ZNF382: variants seen among roughly 807,000 people sequenced by gnomAD.
The protein encoded by ZNF382 is KRAB/zinc finger suppressor protein 1.
In ZNF382, 20 loss-of-function variants were observed where a neutral mutation model predicts 38.8. That is an observed-to-expected ratio of 0.51 (90% CI 0.36 to 0.75). ZNF382 has a LOEUF of 0.75. Among genes scored for constraint, ZNF382 ranks in the 30% least tolerant of loss-of-function variants. The probability of loss-of-function intolerance (pLI) is 0.00; values close to 1 mark genes in which losing one functional copy is unlikely to be tolerated. For missense variants in ZNF382, 546 were observed against 654.1 expected, an observed-to-expected ratio of 0.83 and a Z score of 1.80; for synonymous variants, 202 against 223.1, an observed-to-expected ratio of 0.91 and a Z score of 0.84.
In ZNF382 at chr19:36,627,022, G is replaced by T. The variant is rs148103215; in HGVS notation, c.1125G>T (p.Thr375=). Residue 375 remains threonine, a synonymous_variant, in exon 5 of 5, where the codon ACG becomes ACT. Coordinates refer to ENST00000292928, the MANE Select transcript of ZNF382 (RefSeq NM_032825.5). The stretch of plus-strand genomic sequence containing the variant: ...TCACTAGACATCACAAAACACATAC[G>T]GGGGAGAAAGCCTATGAATGTCCTC... ...ATLTRHHKTH[T]GEKAYECPQC... The T allele has an allele frequency of 2.5e-6, 4 of 1,609,572 alleles. No individual in the cohort carries two copies. In the African/African-American group the frequency reaches 5.4e-5, roughly 22 times the overall value.
At chr19:36,621,719 A>T (rs966542024) in intron 4 of ZNF382, among the ~76,000 whole-genome samples, 2 of 152,176 alleles carry the variant, frequency 1.3e-5, no homozygotes, top group African/African-American at 4.8e-5. Context: ...ATACAGGAGG[A>T]TATGTGTAGG....
intron 4 of ZNF382, among the ~76,000 whole-genome samples, chr19:36,615,136 C>A (rs899168969): frequency 6.6e-6 from 1 of 151,694 alleles, no homozygotes; most frequent in African/African-American, 2.4e-5. Context: ...CAGGTGGGCA[C>A]CACCATGCCC....
rs572850112 is a variant in ZNF382, at chr19:36,632,381, G to C, written c.*4831G>C. ...GTTTTTGTGTTTTTAGTAGAGACAG[G>C]GTTTCTCCATGTTGGCCAGGCTGGT... On this transcript the variant is annotated 3_prime_UTR_variant, in exon 5 of 5. Transcript: ENST00000292928. The C allele has an allele frequency of 4.6e-5, 7 of 152,268 alleles. No homozygotes were observed. The East Asian group carries it at 1.4e-3, about 29-fold the overall frequency. The allele number at this position is 152,268 out of a possible 1,614,324, so 9.4% of individuals were successfully genotyped here.
chr19:36,618,559 C>T (rs1270884099), intron 4 of ZNF382, among the ~76,000 whole-genome samples: 1 of 152,190 alleles, frequency 6.6e-6, no homozygotes, highest in Admixed American at 6.5e-5. Flanking sequence ...TCTGTGCTGC[C>T]TGAACTACTG....
intron 4 of ZNF382, among the ~76,000 whole-genome samples, chr19:36,616,109 G>A (rs2037123861): frequency 6.6e-6 from 1 of 152,124 alleles, no homozygotes; most frequent in African/African-American, 2.4e-5. Flanking sequence ...GCCAAGTGTT[G>A]TGGCTCACAC....
At chr19:36,612,074 A>T (rs2037081972) in intron 4 of ZNF382, among the ~76,000 whole-genome samples, 1 of 152,142 alleles carries the variant, frequency 6.6e-6, no homozygotes, top group African/African-American at 2.4e-5. Flanking sequence ...AGAAGGATAA[A>T]CCCACGTATC....
chr19:36,621,334 T>A (rs1441004605), intron 4 of ZNF382, among the ~76,000 whole-genome samples: 1 of 150,808 alleles, frequency 6.6e-6, no homozygotes, highest in East Asian at 1.9e-4. Flanking sequence ...GTTTTTTTTT[T>A]TTTTTTTTTT....
intron 4 of ZNF382, among the ~76,000 whole-genome samples, chr19:36,625,307 A>G (rs925300016): frequency 1.1e-4 from 17 of 151,624 alleles, no homozygotes; most frequent in Non-Finnish European, 1.8e-4. Flanking sequence ...ACACTAGGAA[A>G]TGAGCTGAGA....
chr19:36,608,378 CT>C (rs1001942399), intron 2 of ZNF382: 38 of 152,218 alleles, frequency 2.5e-4, no homozygotes, highest in African/African-American at 8.9e-4. Flanking sequence ...TTGTTATTTT[CT>C]TTTTAGTTTC....
intron 4 of ZNF382, among the ~76,000 whole-genome samples, chr19:36,616,370 T>G (rs2145322459): frequency 6.6e-6 from 1 of 152,300 alleles, no homozygotes; most frequent in South Asian, 2.1e-4. Flanking sequence ...CGTCTCTAAA[T>G]AACTAAAATG....
chr19:36,619,932 C>T (rs773036290), intron 4 of ZNF382, among the ~76,000 whole-genome samples: 4 of 151,920 alleles, frequency 2.6e-5, no homozygotes, highest in African/African-American at 7.3e-5. Flanking sequence ...AGGGTTTCAC[C>T]GTGTTAGCCA....
chr19:36,626,446 G>C lies in ZNF382; in HGVS notation c.549G>C (p.Val183=), dbSNP rs374532944. The C allele has an allele frequency of 4.4e-6, 7 of 1,606,754 alleles. No homozygotes were observed. The highest frequency in any genetic ancestry group is 5.9e-6 in the Non-Finnish European group (7 of 1,177,850). Residue 183 remains valine, a synonymous_variant, in exon 5 of 5, where the codon GTG becomes GTC. Coordinates refer to ENST00000292928, the MANE Select transcript of ZNF382 (RefSeq NM_032825.5). ...NTKHEKIHPA[V]NLHKQTERVL... is the part of the protein sequence containing the mutation. ...AGCATGAGAAAATTCATCCTGCAGT[G>C]AATCTCCATAAACAAACAGAAAGAG...
At chr19:36,611,375 T>C (rs2037076720) in intron 4 of ZNF382, among the ~76,000 whole-genome samples, 1 of 152,140 alleles carries the variant, frequency 6.6e-6, no homozygotes, top group Admixed American at 6.5e-5. Flanking sequence ...CTCTGTAAAT[T>C]TGACTACTCT....
At chr19:36,613,510 G>A (rs185187948) in intron 4 of ZNF382, among the ~76,000 whole-genome samples, 115 of 147,204 alleles carry the variant, frequency 7.8e-4, no homozygotes, top group African/African-American at 1.7e-3. Flanking sequence ...CGCAACCTCC[G>A]CTTCCCTGCA....
At chr19:36,613,323 C>A (rs12162275) in intron 4 of ZNF382, among the ~76,000 whole-genome samples, 45,418 of 151,708 alleles carry the variant, frequency 0.3, 6,861 homozygotes, top group African/African-American at 0.34. Context: ...ATTATGTGAC[C>A]TCTCAAACAA....
rs2037226092 is a variant in ZNF382 at position 36,627,616 on chromosome 19, A to G, written c.*66A>G. 8.0e-7 allele frequency: 1 copy of G among 1,247,302 alleles called. No individual in the cohort carries two copies. The highest frequency in any genetic ancestry group is 1.1e-6 in the Non-Finnish European group (1 of 876,380). 77.3% of individuals were successfully genotyped at this position (1,247,302 alleles called of 1,614,324 possible). ...AAACCCTGTAGATGATGTTGCTTGCAAGCGTAATATCCAACAGTTTAAGGT... is the reference window on the plus strand; with the variant it reads ...AAACCCTGTAGATGATGTTGCTTGCGAGCGTAATATCCAACAGTTTAAGGT... On this transcript the variant is annotated 3_prime_UTR_variant, in exon 5 of 5. Coordinates refer to ENST00000292928, the MANE Select transcript of ZNF382 (RefSeq NM_032825.5).
At chr19:36,610,599 A>T in intron 3 of ZNF382, 51 bp from the exon 4 acceptor site, 1 of 1,452,876 alleles carries the variant, frequency 6.9e-7, no homozygotes, top group Non-Finnish European at 9.5e-7. Context: ...TTACTTCAAT[A>T]GTTTTAAAGT....
Position 36,634,107 on chromosome 19 carries a change from C to T in ZNF382, c.*6557C>T, listed in dbSNP as rs2037271434. 6.6e-6 allele frequency: 1 copy of T among 152,126 alleles called. No homozygotes were observed. Among genetic ancestry groups the T allele is most frequent in the Admixed American group, 6.6e-5 (1 of 15,258 alleles). The allele number at this position is 152,126 out of a possible 1,614,324, so 9.4% of individuals were successfully genotyped here. A position where few individuals can be genotyped will look rare whatever the true frequency, so the allele number is the denominator to read the frequency against. ...TTTAAATAAATAAAAATCCCTAGCT[C>T]TGCTTCATCAGCAGCAGTACCTCCT... On this transcript the variant is annotated 3_prime_UTR_variant, in exon 5 of 5. Coordinates refer to ENST00000292928, the MANE Select transcript of ZNF382 (RefSeq NM_032825.5).
intron 4 of ZNF382, among the ~76,000 whole-genome samples, chr19:36,618,833 T>A (rs1019941111): frequency 1.3e-5 from 2 of 151,988 alleles, no homozygotes; most frequent in Non-Finnish European, 2.9e-5. Flanking sequence ...AGGCCAGGAG[T>A]TCCAGACCAC....
Sources: gnomAD v4.1 joint callset for allele counts (sites outside exome capture counted in the v4.1 genomes callset) on GRCh38, gnomAD v4.1.1 for gene constraint, MANE v1.5 for transcripts, NCBI Gene and HGNC (gene_info 2026-07-23, HGNC 2026-07-21) for gene names.